Variants in FLNB observed in about 807,000 individuals in gnomAD.
The protein encoded by FLNB is filamin-B.
FLNB carries 111 observed loss-of-function variants against 250.6 expected under a neutral mutation model. The observed-to-expected ratio is 0.44, with a 90% CI of 0.38 to 0.52. FLNB has a LOEUF of 0.52. FLNB is among the 20% of genes least tolerant of loss of function. FLNB has a pLI of 0.00. For missense variants in FLNB, 2,869 were observed against 3,447.8 expected, an observed-to-expected ratio of 0.83 and a Z score of 4.20; for synonymous variants, 1,302 against 1,372.1, an observed-to-expected ratio of 0.95 and a Z score of 1.13.
intron 1 of FLNB, among the ~76,000 whole-genome samples, chr3:58,072,670 T>C (rs900248290): frequency 6.6e-6 from 1 of 152,124 alleles, no homozygotes; most frequent in South Asian, 2.1e-4. Flanking sequence ...TCAAAATCAG[T>C]TTTGGAATGA....
chr3:58,021,023 C>A (rs1403210099), intron 1 of FLNB, among the ~76,000 whole-genome samples: 3 of 152,048 alleles, frequency 2.0e-5, no homozygotes, highest in East Asian at 1.9e-4. Flanking sequence ...CTCAGTTTCC[C>A]CCGTGTCCCA....
At chr3:58,013,677 A>G (rs576997173) in intron 1 of FLNB, among the ~76,000 whole-genome samples, 300 of 152,206 alleles carry the variant, frequency 2.0e-3, no homozygotes, top group African/African-American at 6.7e-3. Context: ...ATACAAAATT[A>G]GATGGCCGTG....
chr3:58,118,768 G>A, intron 18 of FLNB, 104 bp from the exon 19 acceptor site: 2 of 837,490 alleles, frequency 2.4e-6, no homozygotes, highest in Non-Finnish European at 4.2e-6. Context: ...TTGGAATCAA[G>A]TCTCCCCTGT....
At chr3:58,048,823 A>G (rs1463747240) in intron 1 of FLNB, among the ~76,000 whole-genome samples, 1 of 152,192 alleles carries the variant, frequency 6.6e-6, no homozygotes, top group South Asian at 2.1e-4. Context: ...AATTGTTTGT[A>G]TGTGTGTTAA....
At chr3:58,133,697 C>A (rs2097311693) in intron 26 of FLNB, among the ~76,000 whole-genome samples, 1 of 151,990 alleles carries the variant, frequency 6.6e-6, no homozygotes, top group Non-Finnish European at 1.5e-5. Flanking sequence ...CCTCTTGGAA[C>A]AATCTCTAAG....
In FLNB at chr3:58,148,262, G is replaced by A. The variant is rs146685642; in HGVS notation, c.5785G>A (p.Asp1929Asn). ...KLGSAADFLL[D>N]ISETDLSSLT... ...GGGCTCAGCCGCTGACTTCCTGCTC[G>A]ACATCAGTGAGACTGACCTCAGCAG... The change falls in exon 35 of 46, where the codon GAC becomes AAC. Residue 1929 changes from aspartate (D) to asparagine (N), a missense_variant. Transcript: ENST00000295956. 1.1e-3 allele frequency: 1,853 copies of A among 1,614,164 alleles called. 33 individuals are homozygous for A. In the South Asian group the frequency reaches 0.016, roughly 14 times the overall value.
chr3:58,138,510 A>G lies in FLNB; in HGVS notation c.5090A>G (p.Asn1697Ser), dbSNP rs2097320468. 6.2e-7 allele frequency: 1 copy of G among 1,614,194 alleles called. No individual in the cohort carries two copies. The highest frequency in any genetic ancestry group is 1.1e-5 in the South Asian group (1 of 91,086). ...CGCTTCGGTGGTGTTGATATTCCTA[A>G]CAGCCCCTTCACTGTCATGGTAAGG... is the stretch of plus-strand genomic sequence containing the variant. Reference protein sequence around the residue: ...YVRFGGVDIPNSPFTVMATDG... With the variant: ...YVRFGGVDIPSSPFTVMATDG... The change falls in exon 29 of 46, where the codon AAC becomes AGC. Residue 1697 changes from asparagine (N) to serine (S), a missense_variant. By Grantham distance (46) the Asn-to-Ser change is conservative (BLOSUM62 1). Around this residue, in one of 5 missense-constraint regions of FLNB, gnomAD observed 1,084 missense variants for 1,315.5 expected, o/e 0.82. Coordinates refer to ENST00000295956, the MANE Select transcript of FLNB (RefSeq NM_001457.4).
chr3:58,066,101 G>T (rs749790781), intron 1 of FLNB, among the ~76,000 whole-genome samples: 6 of 152,142 alleles, frequency 3.9e-5, no homozygotes, highest in Non-Finnish European at 8.8e-5. Context: ...GAATGAGTTT[G>T]TATAGCAACC....
At chr3:58,134,502 A>G (rs771587120) in intron 26 of FLNB, 114 bp from the exon 27 acceptor site, 11 of 1,231,860 alleles carry the variant, frequency 8.9e-6, no homozygotes, top group Non-Finnish European at 1.3e-5. Context: ...TCACTGTCTT[A>G]TCTGCTGTAG....
chr3:58,071,148 C>A (rs2097193839), intron 1 of FLNB, among the ~76,000 whole-genome samples: 1 of 151,726 alleles, frequency 6.6e-6, no homozygotes, highest in Non-Finnish European at 1.5e-5. Flanking sequence ...GACAGGGTGT[C>A]CCTATGTTGC....
intron 28 of FLNB, 21 bp downstream of exon 28, chr3:58,136,189 G>T: frequency 5.6e-6 from 9 of 1,613,452 alleles, no homozygotes; most frequent in Non-Finnish European, 7.6e-6. Flanking sequence ...GGCATCTCAA[G>T]GTCAGGGGCA....
intron 4 of FLNB, among the ~76,000 whole-genome samples, chr3:58,084,345 T>C (rs1048071399): frequency 6.6e-6 from 1 of 152,202 alleles, no homozygotes. Flanking sequence ...TCAAATGGAC[T>C]GAATCTAATC....
At chr3:58,054,881 CATTT>C (rs1018412736) in intron 1 of FLNB, among the ~76,000 whole-genome samples, 4 of 152,194 alleles carry the variant, frequency 2.6e-5, no homozygotes, top group African/African-American at 9.7e-5. Flanking sequence ...AGGCCACACT[CATTT>C]ATTTATGTAC....
chr3:58,072,215 C>T (rs941430643), intron 1 of FLNB, among the ~76,000 whole-genome samples: 3 of 152,130 alleles, frequency 2.0e-5, no homozygotes, highest in Non-Finnish European at 2.9e-5. Flanking sequence ...AGAGCCAAGA[C>T]CAGTTATGTG....
intron 1 of FLNB, among the ~76,000 whole-genome samples, chr3:58,027,922 C>G (rs1468271591): frequency 1.3e-5 from 2 of 152,192 alleles, no homozygotes; most frequent in African/African-American, 4.8e-5. Context: ...CCAGCCAGCA[C>G]TGTTGCCTGT....
intron 29 of FLNB, among the ~76,000 whole-genome samples, chr3:58,141,545 G>T (rs1258644591): frequency 6.6e-6 from 1 of 152,178 alleles, no homozygotes; most frequent in Admixed American, 6.5e-5. Flanking sequence ...ACATTGGGTT[G>T]CTTTAGTTTT....
At chr3:58,051,639 A>AAG (rs2097162581) in intron 1 of FLNB, among the ~76,000 whole-genome samples, 1 of 151,562 alleles carries the variant, frequency 6.6e-6, no homozygotes, top group Non-Finnish European at 1.5e-5. Context: ...CCCACTCCCC[A>AAG]AGAGATGCTG....
chr3:58,135,549 G>A (rs1327428283), intron 27 of FLNB, among the ~76,000 whole-genome samples: 2 of 152,192 alleles, frequency 1.3e-5, no homozygotes, highest in Non-Finnish European at 2.9e-5. Context: ...GATTTGTTGG[G>A]GGTTGGTCAC....
rs1325363379 is a variant in FLNB at position 58,106,568 on chromosome 3, T to A, written c.1748-112T>A. ...AGAAAGGGATACAAACAGATTTCAA[T>A]CTTCTGGCCAACACTTGGCTTTTAG... On this transcript the variant is annotated intron_variant, in intron 11 of 45. Coordinates refer to ENST00000295956, the MANE Select transcript of FLNB (RefSeq NM_001457.4). 7 of 974,484 alleles carry A rather than the reference T, an allele frequency of 7.2e-6. No homozygotes were observed. In the East Asian group the frequency reaches 1.8e-4, roughly 24 times the overall value. The allele number at this position is 974,484 out of a possible 1,614,324, so 60.4% of individuals were successfully genotyped here.
Sources: allele counts gnomAD v4.1 joint callset (sites outside exome capture counted in the v4.1 genomes callset), GRCh38; gene constraint gnomAD v4.1.1; regional missense constraint gnomAD v4.1.1; transcripts MANE v1.5; gene names NCBI Gene and HGNC (gene_info 2026-07-23, HGNC 2026-07-21).